The following SMYD2 variants were observed in gnomAD, a reference collection of about 807,000 sequenced individuals.
SMYD2 encodes N-lysine methyltransferase SMYD2.
Under a neutral mutation model 59.1 loss-of-function variants are expected in SMYD2, and 53 were observed. The observed-to-expected ratio is 0.90, with a 90% confidence interval of 0.72 to 1.13. SMYD2 has a LOEUF of 1.13. Ranked by LOEUF, SMYD2 falls within the 50% of genes most tolerant of loss-of-function variation. SMYD2 has a pLI of 0.00. For missense variants in SMYD2, 494 were observed against 544.7 expected (o/e 0.91, Z 0.93); for synonymous variants, 208 against 198.8 (o/e 1.05, Z -0.39).
intron 1 of SMYD2, among the ~76,000 whole-genome samples, chr1:214,284,942 C>T (rs1238053718): frequency 1.3e-5 from 2 of 152,174 alleles, no homozygotes; most frequent in African/African-American, 4.8e-5. Context: ...GATCTTTAGT[C>T]TCCCTTTTGA....
chr1:214,334,448 G>A (rs1317035801), intron 11 of SMYD2, 140 bp downstream of exon 11: 12 of 752,926 alleles, frequency 1.6e-5, no homozygotes, highest in South Asian at 1.3e-4. Flanking sequence ...TGGGAGCAGC[G>A]GGGGTGGGTC....
At chr1:214,295,991 TG>T (rs1656719979) in intron 1 of SMYD2, among the ~76,000 whole-genome samples, 1 of 152,230 alleles carries the variant, frequency 6.6e-6, no homozygotes, top group Non-Finnish European at 1.5e-5. Context: ...TTCATTTGGC[TG>T]GGGCTGCCTC....
chr1:214,316,720 C>T (rs1657091435), intron 3 of SMYD2, among the ~76,000 whole-genome samples: 1 of 152,130 alleles, frequency 6.6e-6, no homozygotes, highest in Non-Finnish European at 1.5e-5. Context: ...GGGTCAGGTG[C>T]TTGCCGAAAT....
chr1:214,324,746 T>C, intron 6 of SMYD2, 38 bp downstream of exon 6: 1 of 1,556,286 alleles, frequency 6.4e-7, no homozygotes. Context: ...CCTTTTTACT[T>C]ACTTAACACT....
intron 1 of SMYD2, among the ~76,000 whole-genome samples, chr1:214,304,558 CAAA>C (rs56254326): frequency 8.3e-5 from 4 of 48,036 alleles, no homozygotes; most frequent in African/African-American, 8.9e-5. Context: ...GACCCTATCT[CAAA>C]AAAAAAAAAA....
Position 214,331,071 on chromosome 1 carries a change from A to G in SMYD2, c.937+1A>G. 6.2e-7 allele frequency: 1 copy of G among 1,614,082 alleles called. No individual in the cohort carries two copies. Among genetic ancestry groups the G allele is most frequent in the Non-Finnish European group, 8.5e-7 (1 of 1,179,958 alleles). Reference sequence around the variant, plus strand: ...TTCCGGAGGGCCAAGCACTATAAATATATCCTTTACAACTGCCCTGATAGC... The same window carrying G: ...TTCCGGAGGGCCAAGCACTATAAATGTATCCTTTACAACTGCCCTGATAGC... On this transcript the variant is annotated splice_donor_variant, in intron 9 of 11. Transcript: ENST00000366957. LOFTEE classifies it high-confidence loss of function.
At chr1:214,321,887 G>GT (rs1657177661) in intron 5 of SMYD2, among the ~76,000 whole-genome samples, 1 of 152,210 alleles carries the variant, frequency 6.6e-6, no homozygotes, top group African/African-American at 2.4e-5. Context: ...AAATTGCTAT[G>GT]TAAGTAGGCT....
rs762577200 is a variant in SMYD2 at position 214,281,440 on chromosome 1, C to A, written c.173+13C>A. 5 of 1,383,878 alleles carry A rather than the reference C, an allele frequency of 3.6e-6. No individual in the cohort carries two copies. The highest frequency in any genetic ancestry group is 4.5e-4 in the Middle Eastern group (2 of 4,396). 85.7% of individuals were successfully genotyped at this position (1,383,878 alleles called of 1,614,324 possible). A position where few individuals can be genotyped will look rare whatever the true frequency, so the allele number is the denominator to read the frequency against. On this transcript the variant is annotated intron_variant, in intron 1 of 11. Transcript: ENST00000366957. ...ACTGCTTCACCAGGTAGGGCGGCGG[C>A]GGCGGCGGCGGCGGGCGGGAGCCGG... is the stretch of plus-strand genomic sequence containing the variant.
intron 1 of SMYD2, among the ~76,000 whole-genome samples, chr1:214,290,048 A>G (rs1411779284): frequency 6.6e-6 from 1 of 152,200 alleles, no homozygotes; most frequent in Non-Finnish European, 1.5e-5. Context: ...GTCACAAAGC[A>G]CACACCTCAC....
At chr1:214,287,448 A>G (rs936966034) in intron 1 of SMYD2, among the ~76,000 whole-genome samples, 4 of 151,920 alleles carry the variant, frequency 2.6e-5, no homozygotes, top group Non-Finnish European at 5.9e-5. Flanking sequence ...TTAGCTGGGC[A>G]TAGTGGCGGG....
intron 1 of SMYD2, among the ~76,000 whole-genome samples, chr1:214,295,719 A>G (rs553818332): frequency 2.0e-5 from 3 of 152,160 alleles, no homozygotes; most frequent in Non-Finnish European, 2.9e-5. Flanking sequence ...TCACTGTTAC[A>G]TTGTGGATTA....
chr1:214,303,957 T>A (rs892320987), intron 1 of SMYD2, among the ~76,000 whole-genome samples: 1 of 152,230 alleles, frequency 6.6e-6, no homozygotes, highest in Non-Finnish European at 1.5e-5. Context: ...TTTTACCGAT[T>A]GCGCTCTGAC....
intron 1 of SMYD2, among the ~76,000 whole-genome samples, chr1:214,285,491 A>T (rs914591034): frequency 6.6e-6 from 1 of 152,194 alleles, no homozygotes; most frequent in Non-Finnish European, 1.5e-5. Context: ...TGTTTTCTGA[A>T]TAAAAAAATT....
rs769389692 is a variant in SMYD2 at position 214,281,434 on chromosome 1, C to G, written c.173+7C>G. ...GCGAGTACTGCTTCACCAGGTAGGG[C>G]GGCGGCGGCGGCGGCGGCGGGCGGG... On this transcript the variant is annotated splice_region_variant and intron_variant, in intron 1 of 11. Coordinates refer to ENST00000366957, the MANE Select transcript of SMYD2 (RefSeq NM_020197.3). The G allele has an allele frequency of 4.9e-4, 606 of 1,232,946 alleles. 5 individuals carry two copies. The highest frequency in any genetic ancestry group is 4.7e-5 in the Non-Finnish European group (45 of 962,658). The allele number at this position is 1,232,946 out of a possible 1,614,324, so 76.4% of individuals were successfully genotyped here.
At chr1:214,293,487 T>G (rs909947090) in intron 1 of SMYD2, among the ~76,000 whole-genome samples, 1 of 152,248 alleles carries the variant, frequency 6.6e-6, no homozygotes, top group Non-Finnish European at 1.5e-5. Flanking sequence ...GCTCTCACTG[T>G]GGAGTTTCAG....
chr1:214,283,531 T>G (rs1171662767), intron 1 of SMYD2, among the ~76,000 whole-genome samples: 1 of 152,236 alleles, frequency 6.6e-6, no homozygotes, highest in Non-Finnish European at 1.5e-5. Context: ...AGAAATATCC[T>G]TGTACCCTAC....
chr1:214,289,566 G>A (rs1338869066), intron 1 of SMYD2, among the ~76,000 whole-genome samples: 2 of 152,150 alleles, frequency 1.3e-5, no homozygotes, highest in African/African-American at 2.4e-5. Flanking sequence ...TGATTTTTCA[G>A]AATGTTCCCT....
At chr1:214,331,935 G>A (rs1657361338) in intron 9 of SMYD2, 83 bp from the exon 10 acceptor site, 5 of 1,323,898 alleles carry the variant, frequency 3.8e-6, no homozygotes, top group Admixed American at 2.4e-5. Flanking sequence ...AGAGTGGAGT[G>A]GACGAAATAA....
In SMYD2 at chr1:214,336,608, G is replaced by A. The variant is rs1442363650; in HGVS notation, c.1222-96G>A. On this transcript the variant is annotated intron_variant, in intron 11 of 11. Coordinates refer to ENST00000366957, the MANE Select transcript of SMYD2 (RefSeq NM_020197.3). ...CTCTAATGGCCAGTTTGCATCCTGT[G>A]CCTTAAAGCAGAGAGATCCAACTTA... is the stretch of plus-strand genomic sequence containing the variant. The A allele has an allele frequency of 5.8e-6, 6 of 1,031,274 alleles. No homozygotes were observed. In the African/African-American group the frequency reaches 8.1e-5, roughly 14 times the overall value. The allele number at this position is 1,031,274 out of a possible 1,614,324, so 63.9% of individuals were successfully genotyped here. A position where few individuals can be genotyped will look rare whatever the true frequency, so the allele number is the denominator to read the frequency against.
Sources: gnomAD v4.1 joint callset for allele counts (sites outside exome capture counted in the v4.1 genomes callset) on GRCh38, gnomAD v4.1.1 for gene constraint, MANE v1.5 for transcripts, NCBI Gene and HGNC (gene_info 2026-07-23, HGNC 2026-07-21) for gene names.